Variants in CEP63 observed in about 807,000 individuals in gnomAD.
The protein encoded by CEP63 is centrosomal protein 63, also known as centrosomal protein of 63 kDa.
CEP63 carries 84 observed loss-of-function variants against 89.1 expected under a neutral mutation model. That is an observed-to-expected ratio of 0.94 (90% CI 0.79 to 1.13). The LOEUF is 1.13. Ranked by LOEUF, CEP63 falls within the 50% of genes most tolerant of loss-of-function variation. The pLI is 0.00. For synonymous variants in CEP63, 267 were observed against 272.5 expected (o/e 0.98, Z 0.20); for missense variants, 838 against 813.3 (o/e 1.03, Z -0.37).
At chr3:134,711,162 A>G in the CEP63 span, among the ~76,000 whole-genome samples, 1 of 152,262 alleles carries the variant, frequency 6.6e-6, no homozygotes, top group African/African-American at 2.4e-5. Context: ...TAGTATGACT[A>G]TAAATATAAT....
chr3:134,537,220 A>G lies in CEP63; in HGVS notation c.507A>G (p.Ser169=). Residue 169 remains serine, a synonymous_variant, in exon 6 of 15, where the codon TCA becomes TCG. Transcript: ENST00000675561. ...QRLIYQQQVS[S]LEAQRKALAE... ...TGATTTATCAGCAACAGGTATCTTC[A>G]CTGGAGGCACAAAGGAAGGCTCTGG... 3.7e-6 allele frequency: 6 copies of G among 1,613,940 alleles called. No homozygotes were observed. Among genetic ancestry groups the G allele is most frequent in the South Asian group, 1.1e-5 (1 of 91,082 alleles).
chr3:134,741,488 C>A, the CEP63 span, among the ~76,000 whole-genome samples: 11,213 of 152,184 alleles, frequency 0.074, 779 homozygotes, highest in African/African-American at 0.19. Context: ...CCTGCTTCCC[C>A]CTATGCCTGG....
chr3:134,740,042 C>T, the CEP63 span, among the ~76,000 whole-genome samples: 1 of 152,246 alleles, frequency 6.6e-6, no homozygotes, highest in East Asian at 1.9e-4. Flanking sequence ...CACTAGCCTG[C>T]AGATTGCTGT....
At chr3:134,746,845 G>T in the CEP63 span, among the ~76,000 whole-genome samples, 2 of 152,200 alleles carry the variant, frequency 1.3e-5, no homozygotes, top group African/African-American at 4.8e-5. Flanking sequence ...CAGATGGGTA[G>T]ATTGCAAAAA....
chr3:134,589,602 T>C (rs373373318), downstream of CEP63, among the ~76,000 whole-genome samples: 3 of 84,284 alleles, frequency 3.6e-5, no homozygotes, highest in Non-Finnish European at 8.0e-5. Flanking sequence ...AAAAAAAACA[T>C]ATTGGCAAGG....
chr3:134,721,526 ACATC>A, the CEP63 span, among the ~76,000 whole-genome samples: 1 of 152,116 alleles, frequency 6.6e-6, no homozygotes, highest in Non-Finnish European at 1.5e-5. Context: ...ATGAGAACAG[ACATC>A]CTTAACTTGT....
chr3:134,619,349 C>T, the CEP63 span: 3 of 1,004,122 alleles, frequency 3.0e-6, no homozygotes, highest in South Asian at 3.8e-5. Context: ...GTGCTCTGGC[C>T]ATCACCAGCC....
At chr3:134,511,792 G>C (rs1270142246) in intron 3 of CEP63, among the ~76,000 whole-genome samples, 1 of 152,092 alleles carries the variant, frequency 6.6e-6, no homozygotes, top group East Asian at 1.9e-4. Context: ...ACAGCAAGGG[G>C]GAAGTCTGCC....
At chr3:134,702,996 T>C in the CEP63 span, among the ~76,000 whole-genome samples, 2 of 152,084 alleles carry the variant, frequency 1.3e-5, no homozygotes, top group African/African-American at 4.8e-5. Flanking sequence ...TAAAACAGTC[T>C]ATTAAAAAGA....
chr3:134,666,638 C>T, the CEP63 span, among the ~76,000 whole-genome samples: 121 of 152,286 alleles, frequency 7.9e-4, no homozygotes, highest in Non-Finnish European at 1.5e-3. Context: ...CCTTCATCAA[C>T]CCCTGGAAGG....
the CEP63 span, among the ~76,000 whole-genome samples, chr3:134,676,923 A>G: frequency 1.3e-5 from 2 of 152,124 alleles, no homozygotes; most frequent in Non-Finnish European, 2.9e-5. Context: ...CTCCTCGCTC[A>G]TGCTTCTTCC....
the CEP63 span, among the ~76,000 whole-genome samples, chr3:134,596,690 C>T: frequency 1.3e-5 from 2 of 152,156 alleles, no homozygotes; most frequent in Admixed American, 6.5e-5. Context: ...ACTTGCCAAG[C>T]GTTTACCAAA....
downstream of CEP63, among the ~76,000 whole-genome samples, chr3:134,592,470 G>GT (rs67185352): frequency 7.1e-3 from 14 of 1,966 alleles, no homozygotes; most frequent in Non-Finnish European, 0.02. Context: ...CTGCAAACTG[G>GT]TGTGTGTGTG....
the CEP63 span, among the ~76,000 whole-genome samples, chr3:134,736,071 G>A: frequency 1.3e-5 from 2 of 152,100 alleles, no homozygotes; most frequent in African/African-American, 4.8e-5. Context: ...ATATGATCAA[G>A]TTAGTTTTAT....
At chr3:134,753,938 G>A in the CEP63 span, among the ~76,000 whole-genome samples, 1 of 152,176 alleles carries the variant, frequency 6.6e-6, no homozygotes, top group Non-Finnish European at 1.5e-5. Flanking sequence ...TATCTGTGAG[G>A]TTTGTGCTTG....
intron 4 of CEP63, among the ~76,000 whole-genome samples, chr3:134,532,366 G>GA (rs1219004886): frequency 6.6e-6 from 1 of 152,076 alleles, no homozygotes; most frequent in Non-Finnish European, 1.5e-5. Flanking sequence ...TTCAGATTTG[G>GA]AAAAAACTGC....
chr3:134,713,441 T>C, the CEP63 span, among the ~76,000 whole-genome samples: 1 of 152,226 alleles, frequency 6.6e-6, no homozygotes, highest in Non-Finnish European at 1.5e-5. Flanking sequence ...CTGGACATGA[T>C]GCCAGGAATG....
the CEP63 span, chr3:134,651,374 CG>C: frequency 8.9e-7 from 1 of 1,123,218 alleles, no homozygotes; most frequent in Non-Finnish European, 1.1e-6. Context: ...GGAGGGTTCT[CG>C]AGAGGGCTGG....
chr3:134,608,380 C>A, the CEP63 span: 2 of 1,408,800 alleles, frequency 1.4e-6, no homozygotes, highest in Non-Finnish European at 1.9e-6. Context: ...AACCTGCAGC[C>A]TTCAGACACA....
Sources: gnomAD v4.1 joint callset for allele counts (sites outside exome capture counted in the v4.1 genomes callset) on GRCh38, gnomAD v4.1.1 for gene constraint, MANE v1.5 for transcripts, NCBI Gene and HGNC (gene_info 2026-07-23, HGNC 2026-07-21) for gene names.